Variants in SMAP1 observed in about 807,000 individuals in gnomAD.
SMAP1 encodes stromal membrane-associated protein 1.
In SMAP1, 24 loss-of-function variants were observed where a neutral mutation model predicts 58.5. The observed-to-expected ratio is 0.41, with a 90% CI of 0.30 to 0.58. SMAP1 has a LOEUF of 0.58. Among genes scored for constraint, SMAP1 ranks in the 20% least tolerant of loss-of-function variants. The probability of loss-of-function intolerance (pLI) is 0.29; values close to 1 mark genes in which losing one functional copy is unlikely to be tolerated. For synonymous variants in SMAP1, 216 were observed against 196.6 expected, an observed-to-expected ratio of 1.10 and a Z score of -0.82; for missense variants, 563 against 566.3, an observed-to-expected ratio of 0.99 and a Z score of 0.06.
chr6:70,806,554 T>G (rs1388202865), intron 6 of SMAP1, among the ~76,000 whole-genome samples: 4 of 152,072 alleles, frequency 2.6e-5, no homozygotes, highest in African/African-American at 4.8e-5. Context: ...GGTACCTCAG[T>G]TGGAAATGCA....
At chr6:70,771,254 G>T (rs1438645171) in intron 3 of SMAP1, among the ~76,000 whole-genome samples, 1 of 152,248 alleles carries the variant, frequency 6.6e-6, no homozygotes, top group Non-Finnish European at 1.5e-5. Flanking sequence ...CCAGCTGTGT[G>T]CTGGGAGCAC....
At chr6:70,778,690 G>C (rs1334808750) in intron 4 of SMAP1, among the ~76,000 whole-genome samples, 2 of 152,182 alleles carry the variant, frequency 1.3e-5, no homozygotes, top group Admixed American at 1.3e-4. Flanking sequence ...TGGGTCCCCA[G>C]GTGGAGGATG....
intron 1 of SMAP1, among the ~76,000 whole-genome samples, chr6:70,684,885 G>A (rs1766870240): frequency 6.6e-6 from 1 of 152,142 alleles, no homozygotes; most frequent in South Asian, 2.1e-4. Flanking sequence ...AAAGCTCACT[G>A]CTCTGTTTTG....
intron 1 of SMAP1, among the ~76,000 whole-genome samples, chr6:70,730,702 G>A (rs1195063804): frequency 6.6e-6 from 1 of 152,138 alleles, no homozygotes; most frequent in Non-Finnish European, 1.5e-5. Flanking sequence ...TTACTATATT[G>A]TACTTACTAG....
chr6:70,857,778 T>A, intron 9 of SMAP1, 144 bp from the exon 10 acceptor site: 2 of 740,266 alleles, frequency 2.7e-6, no homozygotes, highest in Non-Finnish European at 4.4e-6. Context: ...TAGGTGTGGG[T>A]TGGTCTGAGT....
intron 9 of SMAP1, 126 bp from the exon 10 acceptor site, chr6:70,857,796 G>A: frequency 9.7e-7 from 1 of 1,036,202 alleles, no homozygotes; most frequent in Admixed American, 2.5e-5. Flanking sequence ...AGTAGTAGGA[G>A]CAGCCAAACT....
At chr6:70,738,336 A>G (rs1046828214) in intron 2 of SMAP1, among the ~76,000 whole-genome samples, 2 of 152,018 alleles carry the variant, frequency 1.3e-5, no homozygotes, top group African/African-American at 4.8e-5. Flanking sequence ...AAATGTTGGC[A>G]CTCTCACATA....
At chr6:70,722,583 TC>T (rs1353792372) in intron 1 of SMAP1, among the ~76,000 whole-genome samples, 1 of 152,178 alleles carries the variant, frequency 6.6e-6, no homozygotes, top group Non-Finnish European at 1.5e-5. Context: ...GAGTGGGAAA[TC>T]AGGGGACTCA....
chr6:70,801,211 C>G (rs763237884), intron 6 of SMAP1, among the ~76,000 whole-genome samples: 4 of 152,194 alleles, frequency 2.6e-5, no homozygotes, highest in Non-Finnish European at 5.9e-5. Flanking sequence ...GATCGCGATT[C>G]TACCTGGCGT....
At chr6:70,669,584 T>C (rs1766179708) in intron 1 of SMAP1, among the ~76,000 whole-genome samples, 1 of 152,218 alleles carries the variant, frequency 6.6e-6, no homozygotes, top group Non-Finnish European at 1.5e-5. Flanking sequence ...TGATTGTGTG[T>C]GGTTATTTGG....
intron 1 of SMAP1, among the ~76,000 whole-genome samples, chr6:70,688,938 G>C (rs1767043497): frequency 1.3e-5 from 2 of 150,998 alleles, no homozygotes; most frequent in Admixed American, 1.3e-4. Flanking sequence ...TCCATTTTGA[G>C]TTGCATTTTA....
chr6:70,793,284 C>T (rs1214343823), intron 5 of SMAP1, among the ~76,000 whole-genome samples: 4 of 152,150 alleles, frequency 2.6e-5, no homozygotes, highest in Non-Finnish European at 5.9e-5. Context: ...CCACCCGACT[C>T]GGGCTCCCAA....
At chr6:70,775,161 A>G (rs1168579553) in intron 4 of SMAP1, among the ~76,000 whole-genome samples, 2 of 152,174 alleles carry the variant, frequency 1.3e-5, no homozygotes, top group Non-Finnish European at 2.9e-5. Flanking sequence ...GAGAATATTT[A>G]TGTCTATAAA....
chr6:70,670,658 A>G (rs980916010), intron 1 of SMAP1, among the ~76,000 whole-genome samples: 9 of 152,214 alleles, frequency 5.9e-5, no homozygotes, highest in Admixed American at 5.9e-4. Context: ...TTCACTGTCT[A>G]GTAAATTGCA....
At chr6:70,824,180 C>T (rs1347542873) in intron 6 of SMAP1, among the ~76,000 whole-genome samples, 8 of 152,114 alleles carry the variant, frequency 5.3e-5, no homozygotes, top group Non-Finnish European at 7.4e-5. Context: ...GTTTATTTTC[C>T]AGTTCGTTCA....
At chr6:70,855,979 A>C (rs929928192) in intron 8 of SMAP1, among the ~76,000 whole-genome samples, 1 of 152,216 alleles carries the variant, frequency 6.6e-6, no homozygotes, top group Non-Finnish European at 1.5e-5. Flanking sequence ...AACTTATTGC[A>C]TGGTGTTCTA....
At chr6:70,751,526 C>G (rs2149885315) in intron 2 of SMAP1, among the ~76,000 whole-genome samples, 1 of 151,890 alleles carries the variant, frequency 6.6e-6, no homozygotes, top group South Asian at 2.1e-4. Flanking sequence ...GAAACTTTAA[C>G]TTAAGTAGTT....
At chr6:70,714,083 A>G (rs1237790541) in intron 1 of SMAP1, among the ~76,000 whole-genome samples, 3 of 152,014 alleles carry the variant, frequency 2.0e-5, no homozygotes, top group Non-Finnish European at 2.9e-5. Context: ...TGCATGGACT[A>G]TTCTTTTCTA....
chr6:70,703,847 A>C (rs887698388), intron 1 of SMAP1, among the ~76,000 whole-genome samples: 8 of 152,200 alleles, frequency 5.3e-5, no homozygotes, highest in African/African-American at 1.9e-4. Flanking sequence ...TAGGGAGGCC[A>C]CTGGGCTGCC....
Sources: gnomAD v4.1 joint callset for allele counts (sites outside exome capture counted in the v4.1 genomes callset) on GRCh38, gnomAD v4.1.1 for gene constraint, MANE v1.5 for transcripts, NCBI Gene and HGNC (gene_info 2026-07-23, HGNC 2026-07-21) for gene names.